ITLN1: variants seen among roughly 807,000 people sequenced by gnomAD.
ITLN1 encodes intelectin-1.
In ITLN1, 29 loss-of-function variants were observed where a neutral mutation model predicts 36.2. That is an observed-to-expected ratio of 0.80 (90% CI 0.60 to 1.09). ITLN1 has a LOEUF of 1.09. ITLN1 is among the 50% of genes least tolerant of loss of function. The pLI is 0.00. For synonymous variants in ITLN1, 143 were observed against 146.5 expected (o/e 0.98, Z 0.17); for missense variants, 358 against 405.2 (o/e 0.88, Z 1.00).
At chr1:160,884,252 T>C (rs1247439359) in intron 2 of ITLN1, among the ~76,000 whole-genome samples, 1 of 152,058 alleles carries the variant, frequency 6.6e-6, no homozygotes, top group East Asian at 1.9e-4. Flanking sequence ...TAATCTCTAC[T>C]CCAAAAAGTC....
At chr1:160,882,244 C>G in intron 3 of ITLN1, 40 bp from the exon 4 acceptor site, 1 of 1,532,486 alleles carries the variant, frequency 6.5e-7, no homozygotes, top group Non-Finnish European at 8.8e-7. Context: ...TGTCTGAGAG[C>G]TGAGGGTTCA....
chr1:160,880,533 T>C, intron 6 of ITLN1, 55 bp downstream of exon 6: 2 of 1,581,418 alleles, frequency 1.3e-6, no homozygotes, highest in South Asian at 1.1e-5. Flanking sequence ...TTACCTAGCA[T>C]AGTTGAATGT....
chr1:160,879,256 A>T, intron 7 of ITLN1, 55 bp downstream of exon 7: 1 of 1,256,564 alleles, frequency 8.0e-7, no homozygotes, highest in Non-Finnish European at 1.2e-6. Context: ...ATACCAACAC[A>T]CACGGACAAA....
Position 160,880,589 on chromosome 1 carries a change from C to T in ITLN1, c.684G>A (p.Gln228=), listed in dbSNP as rs1670658982. The change falls in exon 6 of 8, where the codon CAG becomes CAA. Residue 228 remains glutamine, a splice_region_variant and synonymous_variant. Transcript: ENST00000326245. ...KTASYYSPYG[Q]REFTAGFVQF... Reference sequence around the variant, plus strand: ...TTCAGAGGATCATTAAAGACTCACGCTGGCCATAGGGTGAGTAATAAGATG... The same window carrying T: ...TTCAGAGGATCATTAAAGACTCACGTTGGCCATAGGGTGAGTAATAAGATG... 1 of 1,613,856 alleles carries T rather than the reference C, an allele frequency of 6.2e-7. No individual in the cohort carries two copies. Among genetic ancestry groups the T allele is most frequent in the Non-Finnish European group, 8.5e-7 (1 of 1,179,922 alleles).
intron 2 of ITLN1, among the ~76,000 whole-genome samples, chr1:160,884,275 G>A (rs551170453): frequency 2.0e-5 from 3 of 152,170 alleles, no homozygotes; most frequent in East Asian, 1.9e-4. Flanking sequence ...CAAACTATTC[G>A]AACAGTCTAG....
Position 160,882,110 on chromosome 1 carries a change from G to A in ITLN1, c.252C>T (p.Ser84=), listed in dbSNP as rs147826544. The A allele has an allele frequency of 1.1e-4, 175 of 1,614,014 alleles. No individual in the cohort carries two copies. The East Asian group carries it at 2.4e-3, about 22-fold the overall frequency. Reference sequence around the variant, plus strand: ...TCCCACGCATGTCATTCTCGTGCACGCTGGCCACCAGGGTCCAGCCGCCAC... The same window carrying A: ...TCCCACGCATGTCATTCTCGTGCACACTGGCCACCAGGGTCCAGCCGCCAC... ...SGGGGWTLVA[S]VHENDMRGKC... Residue 84 remains serine, a synonymous_variant, in exon 4 of 8, where the codon AGC becomes AGT. Coordinates refer to ENST00000326245, the MANE Select transcript of ITLN1 (RefSeq NM_017625.3).
At chr1:160,885,033 G>A in intron 1 of ITLN1, 28 bp downstream of exon 1, 1 of 575,678 alleles carries the variant, frequency 1.7e-6, no homozygotes, top group East Asian at 2.8e-5. Flanking sequence ...GACCTAAGCT[G>A]AAAACAGGAT....
At chr1:160,882,480 T>C (rs181755062) in intron 3 of ITLN1, among the ~76,000 whole-genome samples, 1 of 152,320 alleles carries the variant, frequency 6.6e-6, no homozygotes, top group Admixed American at 6.5e-5. Flanking sequence ...CCACTGCAGG[T>C]CTATCCCCAA....
rs35409502 is a variant in ITLN1, at chr1:160,879,371, G to A, written c.729C>T (p.Asn243=). ...AGFVQFRVFN[N]ERAANALCAG... ...CACACAAGGCGTTGGCTGCTCTCTC[G>A]TTATTAAATACCCTGAACTGAACAA... The change falls in exon 7 of 8, where the codon AAC becomes AAT. Residue 243 remains asparagine, a synonymous_variant. Coordinates refer to ENST00000326245, the MANE Select transcript of ITLN1 (RefSeq NM_017625.3). The A allele has an allele frequency of 4.8e-3, 7,778 of 1,614,078 alleles. 370 individuals are homozygous for A. In the African/African-American group the frequency reaches 0.093, roughly 19 times the overall value.
At chr1:160,881,078 T>A (rs750729308) in intron 5 of ITLN1, 76 bp downstream of exon 5, 1 of 1,465,116 alleles carries the variant, frequency 6.8e-7, no homozygotes, top group Non-Finnish European at 9.2e-7. Flanking sequence ...CATTAAAAAA[T>A]GACTCCTGCC....
chr1:160,884,597 C>T (rs3818724), intron 2 of ITLN1, among the ~76,000 whole-genome samples: 88,810 of 151,892 alleles, frequency 0.58, 27,659 homozygotes, highest in Non-Finnish European at 0.68. Context: ...TGCCACAGCC[C>T]CCTCAGGGCC....
At position 160,885,082 on chromosome 1, in the gene ITLN1, C is replaced by T. The variant is rs1458816852; in HGVS notation, c.-28G>A. 1 of 522,316 alleles carries T rather than the reference C, an allele frequency of 1.9e-6. No individual in the cohort carries two copies. Among genetic ancestry groups the T allele is most frequent in the East Asian group, 2.9e-5 (1 of 34,412 alleles). The allele number at this position is 522,316 out of a possible 1,614,324, so 32.4% of individuals were successfully genotyped here. The stretch of plus-strand genomic sequence containing the variant: ...AGACCTTGTCTGAGTCTCAGCTGCA[C>T]TTTCCTTGGGTACAGAGAGCTCCTT... On this transcript the variant is annotated 5_prime_UTR_variant, in exon 1 of 8. In the 5' UTR this introduces an upstream ATG that the reference lacks. Coordinates refer to ENST00000326245, the MANE Select transcript of ITLN1 (RefSeq NM_017625.3).
rs771907555 is a variant in ITLN1 at position 160,881,316 on chromosome 1, G to C, written c.406-4C>G. On this transcript the variant is annotated splice_polypyrimidine_tract_variant and splice_region_variant and intron_variant, in intron 4 of 7. Transcript: ENST00000326245. ...GGATGTCGTAGTAGCCAGGGTTCTGGAAAGCAACAGACACTGAGCCTGACT... is the reference window on the plus strand; with the variant it reads ...GGATGTCGTAGTAGCCAGGGTTCTGCAAAGCAACAGACACTGAGCCTGACT... 1 of 1,582,812 alleles carries C rather than the reference G, an allele frequency of 6.3e-7. No homozygotes were observed. Among genetic ancestry groups the C allele is most frequent in the South Asian group, 1.2e-5 (1 of 85,476 alleles).
At position 160,876,707 on chromosome 1, in the gene ITLN1, C is replaced by T; in HGVS notation, c.899G>A (p.Ser300Asn). Residue 300 changes from serine (S) to asparagine (N), a missense_variant, in exon 8 of 8, where the codon AGC becomes AAC. Transcript: ENST00000326245. Reference sequence around the variant, plus strand: ...CACAGCTGCCTCAGTTATCTCACGGCTGCTGCTGTAACCAACATGAGTTCC... The same window carrying T: ...CACAGCTGCCTCAGTTATCTCACGGTTGCTGCTGTAACCAACATGAGTTCC... ...GYGTHVGYSS[S>N]REITEAAVLL... 1 of 1,614,232 alleles carries T rather than the reference C, an allele frequency of 6.2e-7. No homozygotes were observed. The highest frequency in any genetic ancestry group is 8.5e-7 in the Non-Finnish European group (1 of 1,180,034).
At position 160,881,275 on chromosome 1, in the gene ITLN1, C is replaced by T. The variant is rs1670674265; in HGVS notation, c.443G>A (p.Gly148Asp). The change falls in exon 5 of 8, where the codon GGC becomes GAC. Residue 148 changes from glycine (G) to aspartate (D), a missense_variant. By Grantham distance (94) the Gly-to-Asp change is moderately conservative (BLOSUM62 -1). Coordinates refer to ENST00000326245, the MANE Select transcript of ITLN1 (RefSeq NM_017625.3). ...GYYDIQAKDLGIWHVPNKSPM... is the reference protein window; with the variant it reads ...GYYDIQAKDLDIWHVPNKSPM... ...GGACTTATTGGGCACGTGCCAGATGCCCAGGTCCTTGGCCTGGATGTCGTA... is the reference window on the plus strand; with the variant it reads ...GGACTTATTGGGCACGTGCCAGATGTCCAGGTCCTTGGCCTGGATGTCGTA... The T allele has an allele frequency of 6.2e-7, 1 of 1,609,738 alleles. No individual in the cohort carries two copies. The highest frequency in any genetic ancestry group is 1.3e-5 in the African/African-American group (1 of 74,864).
chr1:160,882,609 C>T (rs1571143117), intron 3 of ITLN1, among the ~76,000 whole-genome samples: 1 of 152,162 alleles, frequency 6.6e-6, no homozygotes, highest in African/African-American at 2.4e-5. Flanking sequence ...AATGAATAAA[C>T]AAAACATGGT....
At chr1:160,880,515 C>A in intron 6 of ITLN1, 73 bp downstream of exon 6, 1 of 1,500,764 alleles carries the variant, frequency 6.7e-7, no homozygotes, top group South Asian at 1.2e-5. Flanking sequence ...CAGTCCGATG[C>A]ATAACTGTTA....
At chr1:160,881,488 A>T (rs1178112682) in intron 4 of ITLN1, 176 bp from the exon 5 acceptor site, 1 of 638,234 alleles carries the variant, frequency 1.6e-6, no homozygotes, top group Non-Finnish European at 2.5e-6. Context: ...GGGCCCTAAC[A>T]GCCTTGTTAG....
rs1471926073 is a variant in ITLN1 at position 160,882,184 on chromosome 1, T to G, written c.178A>C (p.Thr60Pro). The G allele has an allele frequency of 1.3e-6, 2 of 1,586,728 alleles. No individual in the cohort carries two copies. Among genetic ancestry groups the G allele is most frequent in the African/African-American group, 2.7e-5 (2 of 74,504 alleles). ...SAFDGLYFLRTENGVIYQTFC... is the reference protein window; with the variant it reads ...SAFDGLYFLRPENGVIYQTFC... ...GTCTGGTAGATAACACCATTCTCAG[T>G]GCGGAGAAAATACAGGCCATCTGTA... Residue 60 changes from threonine (T) to proline (P), a missense_variant, in exon 4 of 8, where the codon ACT becomes CCT. Physicochemically the swap from Thr to Pro is conservative, Grantham distance 38. Coordinates refer to ENST00000326245, the MANE Select transcript of ITLN1 (RefSeq NM_017625.3).
Sources: allele counts gnomAD v4.1 joint callset (sites outside exome capture counted in the v4.1 genomes callset), GRCh38; gene constraint gnomAD v4.1.1; transcripts MANE v1.5; gene names NCBI Gene and HGNC (gene_info 2026-07-23, HGNC 2026-07-21).